Variants in FAR2 observed in about 807,000 individuals in gnomAD.
FAR2 encodes fatty acyl-CoA reductase 2, also known as epididymis secretory protein Li 81.
In FAR2, 19 loss-of-function variants were observed where a neutral mutation model predicts 56.0. That is an observed-to-expected ratio of 0.34 (90% confidence interval 0.24 to 0.50). The LOEUF is 0.50. FAR2 is among the 20% of genes least tolerant of loss of function. The probability of loss-of-function intolerance (pLI) is 0.98; values close to 1 mark genes in which losing one functional copy is unlikely to be tolerated. For synonymous variants in FAR2, 219 were observed against 218.8 expected, an observed-to-expected ratio of 1.00 and a Z score of -0.01; for missense variants, 508 against 642.2, an observed-to-expected ratio of 0.79 and a Z score of 2.26.
In FAR2 at chr12:29,239,803, TA is replaced by T. The variant is rs1314038887; in HGVS notation, c.-38-30608del. Among the ~76,000 whole-genome samples, 7 of 152,358 alleles carry T rather than the reference TA, an allele frequency of 4.6e-5. No homozygotes were observed. In the East Asian group the frequency reaches 1.3e-3, roughly 29 times the overall value. On this transcript the variant is annotated intron_variant, in intron 1 of 11. Coordinates refer to ENST00000536681, the MANE Select transcript of FAR2 (RefSeq NM_001271783.2). ...AATTCTTCTAAGTAGATGATTAATA[TA>T]TATCCTCTGGCTTTATTAATGACAG...
chr12:29,197,457 A>G (rs1168606840), intron 1 of FAR2, among the ~76,000 whole-genome samples: 2 of 152,234 alleles, frequency 1.3e-5, no homozygotes, highest in African/African-American at 4.8e-5. Flanking sequence ...GGAACAGTAC[A>G]AAGCACTATC....
At chr12:29,330,152 G>C (rs573009341) in intron 10 of FAR2, among the ~76,000 whole-genome samples, 1 of 149,770 alleles carries the variant, frequency 6.7e-6, no homozygotes, top group South Asian at 2.1e-4. Flanking sequence ...CGCCTCCCGG[G>C]TTCAAGCGCG....
chr12:29,212,608 C>A (rs1947564440), intron 1 of FAR2, among the ~76,000 whole-genome samples: 1 of 152,324 alleles, frequency 6.6e-6, no homozygotes, highest in Middle Eastern at 3.4e-3. Context: ...GGTCCCCAGA[C>A]CTGAGTTTCC....
At chr12:29,240,734 A>G (rs1002541789) in intron 1 of FAR2, among the ~76,000 whole-genome samples, 5 of 152,170 alleles carry the variant, frequency 3.3e-5, no homozygotes, top group Admixed American at 1.3e-4. Context: ...CAAGGTATAC[A>G]TCTTAAAAAT....
rs117180366 is a variant in FAR2, at chr12:29,298,747, G to T, written c.545+1547G>T. Among the ~76,000 whole-genome samples the T allele has an allele frequency of 2.6e-4, 40 of 152,278 alleles. 1 individual carries two copies. The East Asian group carries it at 7.1e-3, about 27-fold the overall frequency. The stretch of plus-strand genomic sequence containing the variant: ...GGTTTCTGTCAGTTACCCTCTTATG[G>T]TGTTGTCTCTTGGTAAATGTGATGT... On this transcript the variant is annotated intron_variant, in intron 4 of 11. Coordinates refer to ENST00000536681, the MANE Select transcript of FAR2 (RefSeq NM_001271783.2).
intron 1 of FAR2, among the ~76,000 whole-genome samples, chr12:29,213,270 A>G (rs1031215484): frequency 2.0e-5 from 3 of 152,078 alleles, no homozygotes; most frequent in Non-Finnish European, 2.9e-5. Flanking sequence ...TACTGGAATA[A>G]AATTACTATG....
At chr12:29,295,523 A>G (rs1239941992) in intron 3 of FAR2, among the ~76,000 whole-genome samples, 1 of 152,174 alleles carries the variant, frequency 6.6e-6, no homozygotes, top group Admixed American at 6.5e-5. Flanking sequence ...TTTGATTAGA[A>G]TTACCTTGTA....
intron 1 of FAR2, among the ~76,000 whole-genome samples, chr12:29,261,608 A>G (rs1948419411): frequency 6.6e-6 from 1 of 152,232 alleles, no homozygotes; most frequent in South Asian, 2.1e-4. Context: ...AAAGAAGATT[A>G]TCTCAAGACA....
intron 1 of FAR2, among the ~76,000 whole-genome samples, chr12:29,208,735 G>T (rs1298044409): frequency 1.3e-5 from 2 of 152,172 alleles, no homozygotes; most frequent in Non-Finnish European, 2.9e-5. Context: ...GTAAATGAAT[G>T]CTAAAGTGAG....
chr12:29,172,955 C>T (rs2136589101), intron 1 of FAR2, among the ~76,000 whole-genome samples: 1 of 152,228 alleles, frequency 6.6e-6, no homozygotes, highest in East Asian at 1.9e-4. Context: ...GGAATTTGTC[C>T]CTTTCTTTGG....
intron 1 of FAR2, among the ~76,000 whole-genome samples, chr12:29,158,514 T>G (rs1949751619): frequency 6.6e-6 from 1 of 152,260 alleles, no homozygotes; most frequent in Admixed American, 6.5e-5. Context: ...CATTGCCTCT[T>G]CCTTCTTTTC....
chr12:29,270,787 T>G, intron 2 of FAR2, 149 bp downstream of exon 2: 2 of 583,616 alleles, frequency 3.4e-6, no homozygotes, highest in Non-Finnish European at 2.7e-6. Flanking sequence ...AGCAACAAGC[T>G]GCTGGTGGAA....
At chr12:29,278,432 C>T (rs7295212) in intron 2 of FAR2, among the ~76,000 whole-genome samples, 86,446 of 151,730 alleles carry the variant, frequency 0.57, 25,438 homozygotes, top group African/African-American at 0.72. Context: ...CTCAACCTCC[C>T]GGGCTCACGT....
At chr12:29,185,527 A>G (rs1950033418) in intron 1 of FAR2, among the ~76,000 whole-genome samples, 1 of 152,260 alleles carries the variant, frequency 6.6e-6, no homozygotes, top group South Asian at 2.1e-4. Context: ...TTTGTAGTTC[A>G]GCCCTCAATA....
intron 10 of FAR2, among the ~76,000 whole-genome samples, chr12:29,322,430 C>A (rs908437600): frequency 6.6e-6 from 1 of 152,178 alleles, no homozygotes; most frequent in African/African-American, 2.4e-5. Context: ...TCACCTCAGA[C>A]CTCCCTTCAT....
Position 29,335,527 on chromosome 12 carries a change from T to G in FAR2, c.*1733T>G, listed in dbSNP as rs1208019262. The G allele has an allele frequency of 6.6e-6, 1 of 152,170 alleles. No homozygotes were observed. The highest frequency in any genetic ancestry group is 1.5e-5 in the Non-Finnish European group (1 of 68,034). The allele number at this position is 152,170 out of a possible 1,614,324, so 9.4% of individuals were successfully genotyped here. A position where few individuals can be genotyped will look rare whatever the true frequency, so the allele number is the denominator to read the frequency against. ...ATAATAATAGTTCTAAGAATTCACTTTTGATTGTATGTTTTACCAATTCAA... is the reference window on the plus strand; with the variant it reads ...ATAATAATAGTTCTAAGAATTCACTGTTGATTGTATGTTTTACCAATTCAA... On this transcript the variant is annotated 3_prime_UTR_variant, in exon 12 of 12. Coordinates refer to ENST00000536681, the MANE Select transcript of FAR2 (RefSeq NM_001271783.2).
chr12:29,167,192 G>T (rs1271793592), intron 1 of FAR2, among the ~76,000 whole-genome samples: 1 of 152,078 alleles, frequency 6.6e-6, no homozygotes, highest in Non-Finnish European at 1.5e-5. Context: ...CAGCTTCTTT[G>T]CTGGTTTCTG....
intron 1 of FAR2, among the ~76,000 whole-genome samples, chr12:29,186,169 A>AT (rs1032364528): frequency 1.6e-4 from 24 of 152,258 alleles, no homozygotes; most frequent in African/African-American, 5.5e-4. Flanking sequence ...TTAATGAGAT[A>AT]TTTTTTGTGC....
intron 1 of FAR2, among the ~76,000 whole-genome samples, chr12:29,237,075 G>A (rs1947954214): frequency 1.3e-5 from 2 of 152,106 alleles, no homozygotes; most frequent in South Asian, 4.1e-4. Context: ...GTATCAACTT[G>A]AAAATATTTT....
Sources: allele counts gnomAD v4.1 joint callset (sites outside exome capture counted in the v4.1 genomes callset), GRCh38; gene constraint gnomAD v4.1.1; transcripts MANE v1.5; gene names NCBI Gene and HGNC (gene_info 2026-07-23, HGNC 2026-07-21).